Variants in FRMD4A observed in about 807,000 individuals in gnomAD.
FRMD4A encodes FERM domain containing 4A.
In FRMD4A, 29 loss-of-function variants were observed where a neutral mutation model predicts 129.1. The observed-to-expected ratio is 0.22, with a 90% CI of 0.17 to 0.31. The LOEUF is 0.31. Among genes scored for constraint, FRMD4A ranks in the 10% least tolerant of loss-of-function variants. The pLI is 1.00. For synonymous variants in FRMD4A, 634 were observed against 571.6 expected, an observed-to-expected ratio of 1.11 and a Z score of -1.56; for missense variants, 1,272 against 1,375.8, an observed-to-expected ratio of 0.92 and a Z score of 1.19.
At chr10:14,307,324 T>G (rs1336691706) in intron 2 of FRMD4A, among the ~76,000 whole-genome samples, 2 of 152,210 alleles carry the variant, frequency 1.3e-5, no homozygotes, top group African/African-American at 4.8e-5. Flanking sequence ...TCAGGGAGAA[T>G]GTCCACAAGT....
chr10:13,830,497 G>A (rs995242467), intron 3 of FRMD4A, among the ~76,000 whole-genome samples: 4 of 152,224 alleles, frequency 2.6e-5, no homozygotes, highest in Non-Finnish European at 4.4e-5. Flanking sequence ...TTCTTGTCCT[G>A]ACTGTGGGCC....
chr10:14,211,148 A>T (rs988227759), intron 2 of FRMD4A, among the ~76,000 whole-genome samples: 74 of 152,200 alleles, frequency 4.9e-4, no homozygotes, highest in Non-Finnish European at 8.2e-4. Flanking sequence ...TAGTCAAATA[A>T]ATTAATGTAT....
At chr10:14,261,105 G>T (rs1422661545) in intron 2 of FRMD4A, among the ~76,000 whole-genome samples, 1 of 152,194 alleles carries the variant, frequency 6.6e-6, no homozygotes, top group Non-Finnish European at 1.5e-5. Flanking sequence ...GAGCCATAAA[G>T]CAGTCTATGG....
chr10:13,943,896 G>T (rs1400993897), intron 2 of FRMD4A, among the ~76,000 whole-genome samples: 1 of 152,070 alleles, frequency 6.6e-6, no homozygotes, highest in Non-Finnish European at 1.5e-5. Flanking sequence ...GAGCAGAGTG[G>T]CCCTGCTCAG....
chr10:13,937,474 A>G (rs1419778622), intron 2 of FRMD4A, among the ~76,000 whole-genome samples: 1 of 152,186 alleles, frequency 6.6e-6, no homozygotes, highest in African/African-American at 2.4e-5. Context: ...CTATACTTAC[A>G]GCGGTGTTCC....
Position 14,218,955 on chromosome 10 carries a change from CAAAAAAAAAAAAAAAAAAAAAA to C in FRMD4A, c.45+111081_45+111102del, listed in dbSNP as rs56064346. Among the ~76,000 whole-genome samples the C allele has an allele frequency of 1.7e-4, 12 of 72,650 alleles. 1 individual carries two copies. The highest frequency in any genetic ancestry group is 1.2e-3 in the South Asian group (2 of 1,704). 47.7% of individuals were successfully genotyped at this position (72,650 alleles called of 152,430 possible). Reference sequence around the variant, plus strand: ...GGGCAACAAGAGTGAGACTTCATCTCAAAAAAAAAAAAAAAAAAAAAAAAAAAAAAAAAAAAAAAAGATGTGT... The same window carrying C: ...GGGCAACAAGAGTGAGACTTCATCTCAAAAAAAAAAAAAAAAAAGATGTGT... On this transcript the variant is annotated intron_variant, in intron 2 of 24. Coordinates refer to ENST00000357447, the MANE Select transcript of FRMD4A (RefSeq NM_018027.5).
At chr10:13,913,936 C>T (rs566771538) in intron 2 of FRMD4A, among the ~76,000 whole-genome samples, 2 of 152,284 alleles carry the variant, frequency 1.3e-5, no homozygotes, top group African/African-American at 4.8e-5. Context: ...GCAGAGGCCT[C>T]TAAGAGACAA....
chr10:13,884,103 AACACAC>A (rs57338480), intron 2 of FRMD4A, among the ~76,000 whole-genome samples: 1 of 105,628 alleles, frequency 9.5e-6, no homozygotes, highest in Non-Finnish European at 2.0e-5. Context: ...ATGGAAAAGA[AACACAC>A]ACACACACAC....
chr10:14,118,512 T>A (rs1311710165), intron 2 of FRMD4A, among the ~76,000 whole-genome samples: 1 of 152,162 alleles, frequency 6.6e-6, no homozygotes, highest in Non-Finnish European at 1.5e-5. Context: ...TGGGCATCAA[T>A]TCCTGGCTAT....
chr10:14,306,398 C>T (rs919113287), intron 2 of FRMD4A, among the ~76,000 whole-genome samples: 1 of 152,212 alleles, frequency 6.6e-6, no homozygotes, highest in African/African-American at 2.4e-5. Flanking sequence ...GAGAAGCCCA[C>T]AGATGCTCCA....
chr10:13,919,422 GA>G (rs2095045636), intron 2 of FRMD4A, among the ~76,000 whole-genome samples: 1 of 152,058 alleles, frequency 6.6e-6, no homozygotes, highest in Non-Finnish European at 1.5e-5. Context: ...AAGAGAGAAA[GA>G]AAACTTAGAA....
chr10:14,035,264 T>C (rs1833442221), intron 2 of FRMD4A, among the ~76,000 whole-genome samples: 1 of 151,448 alleles, frequency 6.6e-6, no homozygotes, highest in Non-Finnish European at 1.5e-5. Context: ...AATACAAAAT[T>C]AGCTGGGCGT....
chr10:14,189,357 T>C (rs1228094527), intron 2 of FRMD4A, among the ~76,000 whole-genome samples: 1 of 152,144 alleles, frequency 6.6e-6, no homozygotes, highest in African/African-American at 2.4e-5. Context: ...GTGGATCACC[T>C]GAGGTCAGGA....
intron 8 of FRMD4A, among the ~76,000 whole-genome samples, chr10:13,754,518 C>T (rs2091772354): frequency 1.3e-5 from 2 of 151,924 alleles, no homozygotes; most frequent in South Asian, 4.1e-4. Flanking sequence ...TTACTCATGG[C>T]CCTTAAAGTC....
At chr10:13,697,330 T>C (rs2086322844) in intron 14 of FRMD4A, among the ~76,000 whole-genome samples, 1 of 152,180 alleles carries the variant, frequency 6.6e-6, no homozygotes. Flanking sequence ...CTATTTTTAG[T>C]AGATACGGGG....
At chr10:13,650,093 C>A (rs969655576) in intron 24 of FRMD4A, among the ~76,000 whole-genome samples, 35 of 152,212 alleles carry the variant, frequency 2.3e-4, no homozygotes, top group Non-Finnish European at 3.2e-4. Flanking sequence ...ACTGGCTAAG[C>A]CAGGGCCGTC....
intron 2 of FRMD4A, among the ~76,000 whole-genome samples, chr10:14,228,916 A>C (rs1368388448): frequency 6.6e-6 from 1 of 152,290 alleles, no homozygotes; most frequent in East Asian, 1.9e-4. Flanking sequence ...TTTGTTATTT[A>C]GTTTAAAGCA....
At chr10:13,756,425 G>T (rs551447790) in intron 8 of FRMD4A, among the ~76,000 whole-genome samples, 1 of 152,162 alleles carries the variant, frequency 6.6e-6, no homozygotes, top group East Asian at 1.9e-4. Flanking sequence ...GTGCAATCTC[G>T]GCTCACTGCA....
chr10:14,320,639 A>G (rs552143800), intron 2 of FRMD4A, among the ~76,000 whole-genome samples: 6 of 152,306 alleles, frequency 3.9e-5, no homozygotes, highest in Admixed American at 2.0e-4. Context: ...CCCTTTCTCA[A>G]CATGCAGTGT....
Sources: allele counts gnomAD v4.1 joint callset (sites outside exome capture counted in the v4.1 genomes callset), GRCh38; gene constraint gnomAD v4.1.1; transcripts MANE v1.5; gene names NCBI Gene and HGNC (gene_info 2026-07-23, HGNC 2026-07-21).